DCDC1: variants seen among roughly 807,000 people sequenced by gnomAD.
DCDC1 encodes the protein doublecortin domain-containing protein 1.
A neutral mutation model predicts 178.3 loss-of-function variants in DCDC1; 200 were observed. The ratio of observed to expected loss-of-function variants is 1.12; its 90% CI spans 1.00 to 1.26. The LOEUF (loss-of-function observed/expected upper bound fraction) is 1.26, where lower values mean the gene tolerates loss of function less well. DCDC1 is among the 50% of genes most tolerant of loss of function. DCDC1 has a pLI of 0.00. For missense variants in DCDC1, 1,983 were observed against 1,749.2 expected, an observed-to-expected ratio of 1.13 and a Z score of -2.38; for synonymous variants, 690 against 604.8, an observed-to-expected ratio of 1.14 and a Z score of -2.07.
At chr11:30,961,592 T>C (rs543552867) in intron 20 of DCDC1, among the ~76,000 whole-genome samples, 33 of 152,144 alleles carry the variant, frequency 2.2e-4, no homozygotes, top group South Asian at 2.1e-3. Context: ...AACAAGATAA[T>C]AGCACTTAGA....
intron 20 of DCDC1, among the ~76,000 whole-genome samples, chr11:31,001,807 T>C (rs962438974): frequency 2.6e-5 from 4 of 152,212 alleles, no homozygotes; most frequent in Middle Eastern, 3.2e-3. Flanking sequence ...CAAAGGTACA[T>C]TGAAGGTGAC....
At chr11:31,261,592 CTAGAGAT>C (rs1411162674) in intron 8 of DCDC1, among the ~76,000 whole-genome samples, 1 of 152,010 alleles carries the variant, frequency 6.6e-6, no homozygotes, top group African/African-American at 2.4e-5. Flanking sequence ...TATAAGTAAG[CTAGAGAT>C]TAAAGTAAAC....
At chr11:31,364,070 C>G (rs1044628316) in intron 1 of DCDC1, among the ~76,000 whole-genome samples, 5 of 152,170 alleles carry the variant, frequency 3.3e-5, no homozygotes, top group African/African-American at 1.2e-4. Flanking sequence ...AACCAATACT[C>G]TATGGTGTAG....
chr11:31,147,344 G>A (rs1180932152), intron 9 of DCDC1, among the ~76,000 whole-genome samples: 1 of 152,062 alleles, frequency 6.6e-6, no homozygotes, highest in Admixed American at 6.6e-5. Context: ...GAGGAGTAAA[G>A]GTTTTTCTTG....
intron 6 of DCDC1, among the ~76,000 whole-genome samples, chr11:31,300,264 G>A (rs934486132): frequency 1.1e-4 from 17 of 152,190 alleles, no homozygotes; most frequent in African/African-American, 3.9e-4. Flanking sequence ...CAGTGATGAA[G>A]AAAGTAGAAA....
At chr11:31,322,280 T>C (rs1949408278) in intron 3 of DCDC1, among the ~76,000 whole-genome samples, 1 of 152,160 alleles carries the variant, frequency 6.6e-6, no homozygotes, top group South Asian at 2.1e-4. Context: ...AAACACAATT[T>C]AAGAAATAAA....
rs1949748736 is a variant in DCDC1, at chr11:31,328,116, C to T, written c.164+1G>A. ...TTAAGCTGCTGAAATAATGTTCTTA[C>T]CTTGGTAAATCATTCAAAATATATT... On this transcript the variant is annotated splice_donor_variant, in intron 3 of 38. Coordinates refer to ENST00000684477, the MANE Select transcript of DCDC1 (RefSeq NM_001387274.1). LOFTEE classifies it high-confidence loss of function. 1 of 1,595,890 alleles carries T rather than the reference C, an allele frequency of 6.3e-7. No homozygotes were observed. The highest frequency in any genetic ancestry group is 8.6e-7 in the Non-Finnish European group (1 of 1,168,048).
At chr11:30,869,646 A>G (rs1941348742) in intron 38 of DCDC1, among the ~76,000 whole-genome samples, 1 of 152,216 alleles carries the variant, frequency 6.6e-6, no homozygotes, top group African/African-American at 2.4e-5. Flanking sequence ...ACAGTCATAT[A>G]AAATGACATG....
intron 11 of DCDC1, among the ~76,000 whole-genome samples, chr11:31,126,610 C>T (rs918033276): frequency 6.6e-6 from 1 of 152,022 alleles, no homozygotes; most frequent in Non-Finnish European, 1.5e-5. Context: ...TAATTTACTT[C>T]GAATGTTATC....
At chr11:31,243,335 T>C (rs555743623) in intron 8 of DCDC1, among the ~76,000 whole-genome samples, 2 of 151,914 alleles carry the variant, frequency 1.3e-5, no homozygotes, top group African/African-American at 2.4e-5. Context: ...TTTTAATTCA[T>C]ACACCTTTAA....
intron 20 of DCDC1, among the ~76,000 whole-genome samples, chr11:30,952,996 G>A (rs1200201097): frequency 6.6e-6 from 1 of 151,788 alleles, no homozygotes; most frequent in African/African-American, 2.4e-5. Flanking sequence ...ATTTTTTAAA[G>A]TAATAGAAAC....
At chr11:30,995,878 G>C (rs1355829790) in intron 20 of DCDC1, among the ~76,000 whole-genome samples, 2 of 151,844 alleles carry the variant, frequency 1.3e-5, no homozygotes, top group African/African-American at 4.8e-5. Context: ...CATCCCCAAA[G>C]GCACAATCAG....
chr11:31,346,888 A>G (rs1348129731), intron 1 of DCDC1, among the ~76,000 whole-genome samples: 1 of 152,228 alleles, frequency 6.6e-6, no homozygotes, highest in Non-Finnish European at 1.5e-5. Context: ...AAATATTTTA[A>G]ACAAATCATA....
rs559953203 is a variant in DCDC1 at position 31,362,361 on chromosome 11, AC to A, written c.-125+7335del. ...TATACTACAAAGATTTTTTAAAAAAACATACAGTGTTTGAAATTAATGTATC... is the reference window on the plus strand; with the variant it reads ...TATACTACAAAGATTTTTTAAAAAAAATACAGTGTTTGAAATTAATGTATC... On this transcript the variant is annotated intron_variant, in intron 1 of 38. Transcript: ENST00000684477. Among the ~76,000 whole-genome samples the A allele has an allele frequency of 7.9e-5, 12 of 152,354 alleles. No individual in the cohort carries two copies. In the East Asian group the frequency reaches 9.6e-4, roughly 12 times the overall value.
At chr11:31,237,306 G>T (rs1976579408) in intron 9 of DCDC1, among the ~76,000 whole-genome samples, 1 of 151,784 alleles carries the variant, frequency 6.6e-6, no homozygotes, top group Admixed American at 6.6e-5. Flanking sequence ...ATATACTCAA[G>T]CTAGATGGTT....
chr11:31,271,147 T>A (rs996550268), intron 7 of DCDC1, among the ~76,000 whole-genome samples: 2 of 152,200 alleles, frequency 1.3e-5, no homozygotes, highest in Non-Finnish European at 2.9e-5. Flanking sequence ...ATCTCCTATG[T>A]CAGAGAGAAA....
At chr11:31,156,837 G>A (rs1965761547) in intron 9 of DCDC1, among the ~76,000 whole-genome samples, 1 of 152,200 alleles carries the variant, frequency 6.6e-6, no homozygotes, top group Admixed American at 6.5e-5. Flanking sequence ...GTGAACCAAT[G>A]TGTTGCCAGA....
At chr11:31,357,658 G>T (rs1951456975) in intron 1 of DCDC1, among the ~76,000 whole-genome samples, 1 of 152,144 alleles carries the variant, frequency 6.6e-6, no homozygotes, top group South Asian at 2.1e-4. Flanking sequence ...GTCACTGTTT[G>T]CAGATGACAT....
chr11:30,892,397 T>C (rs571314919), intron 36 of DCDC1, among the ~76,000 whole-genome samples: 93 of 152,238 alleles, frequency 6.1e-4, no homozygotes, highest in African/African-American at 2.1e-3. Context: ...AAGTTACTCT[T>C]GTGAACTGGA....
Sources: gnomAD v4.1 joint callset for allele counts (sites outside exome capture counted in the v4.1 genomes callset) on GRCh38, gnomAD v4.1.1 for gene constraint, MANE v1.5 for transcripts, NCBI Gene and HGNC (gene_info 2026-07-23, HGNC 2026-07-21) for gene names.